The following CD36 variants were observed in gnomAD, a reference collection of about 807,000 sequenced individuals.
CD36 encodes the protein CD36 molecule (CD36 blood group).
A neutral mutation model predicts 55.2 loss-of-function variants in CD36; 119 were observed. The observed-to-expected ratio is 2.15, with a 90% CI of 1.86 to 2.51. CD36 has a LOEUF of 2.51. Among genes scored for constraint, CD36 ranks in the 30% most tolerant of loss-of-function variants. The pLI is 0.00. For synonymous variants in CD36, 186 were observed against 193.6 expected (o/e 0.96, Z 0.33); for missense variants, 819 against 555.5 (o/e 1.47, Z -4.77).
At position 80,664,099 on chromosome 7, in the gene CD36, T is replaced by A. The variant is rs1796789746; in HGVS notation, c.610-307T>A. On this transcript the variant is annotated intron_variant, in intron 6 of 14. Transcript: ENST00000447544. Reference sequence around the variant, plus strand: ...GAAATCATTGTTCTTATAGGTTTGTTCAATGTCCCTCACCTCAACATAGTA... The same window carrying A: ...GAAATCATTGTTCTTATAGGTTTGTACAATGTCCCTCACCTCAACATAGTA... Among the ~76,000 whole-genome samples the A allele has an allele frequency of 2.0e-5, 3 of 152,134 alleles. No individual in the cohort carries two copies. The South Asian group carries it at 6.2e-4, about 31-fold the overall frequency.
Position 80,666,134 on chromosome 7 carries a change from A to T in CD36, c.702-309A>T, listed in dbSNP as rs146447885. ...TTCATGTATCCCATTGGAAAAAAAAAAATTTCCCCTAAGTAGAGATCTAAG... is the reference window on the plus strand; with the variant it reads ...TTCATGTATCCCATTGGAAAAAAAATAATTTCCCCTAAGTAGAGATCTAAG... On this transcript the variant is annotated intron_variant, in intron 7 of 14. Transcript: ENST00000447544. 6.0e-6 allele frequency: 2 copies of T among 334,298 alleles called. 1 individual carries two copies. The allele number at this position is 334,298 out of a possible 1,614,324, so 20.7% of individuals were successfully genotyped here.
intron 2 of CD36, 137 bp from the exon 3 acceptor site, chr7:80,646,514 CT>C: frequency 1.8e-6 from 1 of 544,310 alleles, no homozygotes; most frequent in Non-Finnish European, 3.3e-6. Flanking sequence ...GAGGAAGCCA[CT>C]TTGGTGAAAC....
intron 11 of CD36, among the ~76,000 whole-genome samples, 196 bp downstream of exon 11, chr7:80,672,236 TATAA>T (rs1348003873): frequency 6.6e-6 from 1 of 151,882 alleles, no homozygotes; most frequent in East Asian, 1.9e-4. Context: ...AATAATTTTA[TATAA>T]ATATTTATGT....
intron 3 of CD36, among the ~76,000 whole-genome samples, chr7:80,655,116 A>G (rs1048793026): frequency 1.3e-5 from 2 of 152,188 alleles, no homozygotes; most frequent in African/African-American, 4.8e-5. Flanking sequence ...CAAATAGGTC[A>G]GAATGTTCCT....
At chr7:80,607,721 G>A (rs1792639389) in intron 1 of CD36, among the ~76,000 whole-genome samples, 1 of 152,050 alleles carries the variant, frequency 6.6e-6, no homozygotes, top group African/African-American at 2.4e-5. Flanking sequence ...GTATCTCCAT[G>A]CCAGTAGGTC....
At chr7:80,608,443 A>G (rs746101368) in intron 1 of CD36, among the ~76,000 whole-genome samples, 29 of 152,322 alleles carry the variant, frequency 1.9e-4, no homozygotes, top group Middle Eastern at 6.8e-3. Flanking sequence ...TATCTGTAAC[A>G]CATGGATAAT....
intron 1 of CD36, chr7:80,624,822 T>C (rs1793656738): frequency 6.6e-6 from 1 of 152,184 alleles, no homozygotes; most frequent in Admixed American, 6.6e-5. Context: ...ATAATGAATA[T>C]GATTATAAAA....
chr7:80,634,058 C>CT (rs980793998), upstream of CD36, among the ~76,000 whole-genome samples: 17 of 151,358 alleles, frequency 1.1e-4, no homozygotes, highest in African/African-American at 2.2e-4. Flanking sequence ...ATAAATGTAT[C>CT]TTTTTTTTTC....
At chr7:80,614,075 A>G (rs1436819690) in intron 1 of CD36, among the ~76,000 whole-genome samples, 1 of 152,212 alleles carries the variant, frequency 6.6e-6, no homozygotes, top group Non-Finnish European at 1.5e-5. Flanking sequence ...ATTAATGCCA[A>G]TCAGCTTTCT....
Position 80,615,276 on chromosome 7 carries a change from C to A in CD36, c.-184+12897C>A, listed in dbSNP as rs570066532. ...AAAAGTACAAACTCGTATCCTGTCACTCCTCCAACTTATAATTATTTAATT... is the reference window on the plus strand; with the variant it reads ...AAAAGTACAAACTCGTATCCTGTCAATCCTCCAACTTATAATTATTTAATT... On this transcript the variant is annotated intron_variant, in intron 1 of 13. Coordinates refer to the CD36 transcript ENST00000309881. 3.3e-5 allele frequency among the ~76,000 whole-genome samples: 5 copies of A among 152,302 alleles called. No homozygotes were observed. The East Asian group carries it at 9.6e-4, about 29-fold the overall frequency.
rs1165767460 is a variant in CD36 at position 80,667,747 on chromosome 7, GTTTTTTT to G, written c.748+1273_748+1279del. On this transcript the variant is annotated intron_variant, in intron 8 of 14. Transcript: ENST00000447544. ...GTTGGATTTGCAGGGGTTTTCTTTT[GTTTTTTT>G]TTTTTTTTTTTTTTGAGACATAGTC... Among the ~76,000 whole-genome samples the G allele has an allele frequency of 5.9e-3, 488 of 82,634 alleles. 3 individuals carry two copies. Among genetic ancestry groups the G allele is most frequent in the Middle Eastern group, 0.035 (5 of 142 alleles). The allele number at this position is 82,634 out of a possible 152,430, so 54.2% of individuals were successfully genotyped here. A position where few individuals can be genotyped will look rare whatever the true frequency, so the allele number is the denominator to read the frequency against.
intron 10 of CD36, among the ~76,000 whole-genome samples, 161 bp downstream of exon 10, chr7:80,671,325 A>G (rs1302797987): frequency 2.6e-5 from 4 of 152,110 alleles, no homozygotes; most frequent in Admixed American, 2.0e-4. Flanking sequence ...AGCAACCAAA[A>G]TTTAAAATTA....
chr7:80,631,422 A>G (rs1794067344), intron 1 of CD36, among the ~76,000 whole-genome samples: 1 of 152,068 alleles, frequency 6.6e-6, no homozygotes, highest in Non-Finnish European at 1.5e-5. Context: ...ATGTGAAGCA[A>G]ATTTTAAATG....
At chr7:80,665,250 C>G (rs994484301) in intron 7 of CD36, among the ~76,000 whole-genome samples, 1 of 150,820 alleles carries the variant, frequency 6.6e-6, no homozygotes, top group South Asian at 2.1e-4. Context: ...TATAATTTAT[C>G]ATATATGTAA....
In CD36 at chr7:80,656,112, TTTTCAC is replaced by T. The variant is rs1194980143; in HGVS notation, c.121-426_121-421del. Among the ~76,000 whole-genome samples, 3 of 152,102 alleles carry T rather than the reference TTTTCAC, an allele frequency of 2.0e-5. No homozygotes were observed. The East Asian group carries it at 5.8e-4, about 29-fold the overall frequency. On this transcript the variant is annotated intron_variant, in intron 3 of 14. Transcript: ENST00000447544. Reference sequence around the variant, plus strand: ...GAAAAAGCTTCCAATACCATTAGATTTTTCACTCAGTTTTTGTGTTTTGTTTCATCA... The same window carrying T: ...GAAAAAGCTTCCAATACCATTAGATTTCAGTTTTTGTGTTTTGTTTCATCA...
At position 80,671,982 on chromosome 7, in the gene CD36, C is replaced by T. The variant is rs747187193; in HGVS notation, c.1067C>T (p.Pro356Leu). 3.5e-5 allele frequency: 56 copies of T among 1,608,530 alleles called. No individual in the cohort carries two copies. The South Asian group carries it at 3.8e-4, about 11-fold the overall frequency. Residue 356 changes from proline to leucine, a missense_variant, in exon 11 of 15, where the codon CCT becomes CTT. Physicochemically the swap from Pro to Leu is moderately conservative, Grantham distance 98 (BLOSUM62 -3). Coordinates refer to ENST00000447544, the MANE Select transcript of CD36 (RefSeq NM_001001548.3). ...TATGCAAGTCCTGATGTTTCAGAAC[C>T]TATTGATGGATTAAACCCAAATGAA... ...FLYASPDVSE[P>L]IDGLNPNEEE...
chr7:80,668,798 G>A (rs1194728673), intron 8 of CD36, among the ~76,000 whole-genome samples: 4 of 152,114 alleles, frequency 2.6e-5, no homozygotes, highest in Non-Finnish European at 5.9e-5. Context: ...ACTTGCCAGA[G>A]AAAGAACCTA....
At chr7:80,635,065 A>G (rs1445987967), upstream of CD36, among the ~76,000 whole-genome samples, 1 of 152,182 alleles carries the variant, frequency 6.6e-6, no homozygotes, top group Non-Finnish European at 1.5e-5. Flanking sequence ...TAAAATAAAA[A>G]TGGCTAATAT....
intron 1 of CD36, among the ~76,000 whole-genome samples, chr7:80,621,564 AAAAT>A (rs1326141481): frequency 2.0e-5 from 3 of 152,342 alleles, no homozygotes; most frequent in Non-Finnish European, 2.9e-5. Context: ...TGTGAGGGAC[AAAAT>A]AAATAAATGT....
Sources: allele counts gnomAD v4.1 joint callset (sites outside exome capture counted in the v4.1 genomes callset), GRCh38; gene constraint gnomAD v4.1.1; transcripts MANE v1.5; gene names NCBI Gene and HGNC (gene_info 2026-07-23, HGNC 2026-07-21).